RIMS2: variants seen among roughly 807,000 people sequenced by gnomAD.
RIMS2 encodes the protein regulating synaptic membrane exocytosis 2.
In RIMS2, 59 loss-of-function variants were observed where a neutral mutation model predicts 174.4. That is an observed-to-expected ratio of 0.34 (90% CI 0.27 to 0.42). The LOEUF is 0.42. Among genes scored for constraint, RIMS2 ranks in the 10% least tolerant of loss-of-function variants. The pLI is 1.00. For synonymous variants in RIMS2, 606 were observed against 572.5 expected (o/e 1.06, Z -0.84); for missense variants, 1,620 against 1,666.3 (o/e 0.97, Z 0.48).
At chr8:103,886,269 G>GTT in intron 4 of RIMS2, 46 bp downstream of exon 7, 1 of 1,459,444 alleles carries the variant, frequency 6.9e-7, no homozygotes, top group Non-Finnish European at 9.1e-7. Flanking sequence ...TTAGATAAGC[G>GTT]TTTTTTTTAA....
chr8:104,225,250 G>C lies in RIMS2; in HGVS notation c.3335-19666G>C, dbSNP rs185165936. Reference sequence around the variant, plus strand: ...AAGACTGAGGCAGGGAGAGAGTTCCGAAATTTGCCCAGGGTCACCAAGATG... The same window carrying C: ...AAGACTGAGGCAGGGAGAGAGTTCCCAAATTTGCCCAGGGTCACCAAGATG... On this transcript the variant is annotated intron_variant, in intron 19 of 23. Coordinates refer to ENST00000504942, the Ensembl canonical transcript of RIMS2. Among the ~76,000 whole-genome samples, 437 of 152,166 alleles carry C rather than the reference G, an allele frequency of 2.9e-3. 4 individuals carry two copies. Among genetic ancestry groups the C allele is most frequent in the Non-Finnish European group, 5.0e-3 (340 of 67,988 alleles).
chr8:103,905,051 A>T (rs995893349), intron 4 of RIMS2, among the ~76,000 whole-genome samples: 1 of 152,038 alleles, frequency 6.6e-6, no homozygotes, highest in Non-Finnish European at 1.5e-5. Context: ...CCCTTATCTC[A>T]TAATGGACTT....
At chr8:103,614,591 A>G (rs567390772) in intron 1 of RIMS2, among the ~76,000 whole-genome samples, 41 of 152,366 alleles carry the variant, frequency 2.7e-4, no homozygotes, top group Middle Eastern at 3.4e-3. Context: ...AACAAATGGC[A>G]TAGTCTTCTG....
intron 1 of RIMS2, among the ~76,000 whole-genome samples, chr8:103,693,061 G>C (rs1284525507): frequency 6.6e-6 from 1 of 152,168 alleles, no homozygotes; most frequent in Non-Finnish European, 1.5e-5. Flanking sequence ...GGTTCCTACT[G>C]CTGTGATGGG....
chr8:103,727,724 C>T (rs955049072), intron 2 of RIMS2, among the ~76,000 whole-genome samples: 1 of 152,106 alleles, frequency 6.6e-6, no homozygotes, highest in African/African-American at 2.4e-5. Context: ...TTCTTGGCAC[C>T]TTTGTCAAAA....
chr8:103,850,558 A>G (rs1248162955), intron 3 of RIMS2, among the ~76,000 whole-genome samples: 1 of 152,004 alleles, frequency 6.6e-6, no homozygotes, highest in Non-Finnish European at 1.5e-5. Context: ...TGAATGCCAA[A>G]GATCAAATGC....
rs571066664 is a variant in RIMS2 at position 103,854,513 on chromosome 8, T to C, written c.699-30785T>C. 1.4e-4 allele frequency among the ~76,000 whole-genome samples: 22 copies of C among 152,082 alleles called. No individual in the cohort carries two copies. The South Asian group carries it at 3.1e-3, about 22-fold the overall frequency. ...GTGGGTTTGTCATAGATGGCTCTTA[T>C]TATTTTGAGACATGTTGTTTTGTTG... On this transcript the variant is annotated intron_variant, in intron 3 of 23. Transcript: ENST00000504942.
At chr8:103,553,149 G>A (rs568693027) in intron 1 of RIMS2, among the ~76,000 whole-genome samples, 27,316 of 151,450 alleles carry the variant, frequency 0.18, 2,693 homozygotes, top group African/African-American at 0.25. Flanking sequence ...ATGCACATGT[G>A]TGTTTATTGT....
At chr8:103,855,571 A>C (rs1019897187) in intron 3 of RIMS2, among the ~76,000 whole-genome samples, 1 of 151,984 alleles carries the variant, frequency 6.6e-6, no homozygotes, top group African/African-American at 2.4e-5. Flanking sequence ...ATTTTCATGA[A>C]TTTGAAAGAA....
At chr8:103,567,435 G>A (rs2092450833) in intron 1 of RIMS2, among the ~76,000 whole-genome samples, 1 of 152,108 alleles carries the variant, frequency 6.6e-6, no homozygotes, top group Non-Finnish European at 1.5e-5. Context: ...ATTTTTGTGT[G>A]TGTCTGGCTT....
chr8:103,511,786 A>G (rs889314105), intron 1 of RIMS2, among the ~76,000 whole-genome samples: 1 of 152,242 alleles, frequency 6.6e-6, no homozygotes, highest in East Asian at 1.9e-4. Context: ...TAATTTGAAC[A>G]GGGACATTTT....
chr8:104,014,498 G>A lies in RIMS2; in HGVS notation c.3225-8G>A, dbSNP rs769358378. ...TACTGAAAATGAATATTAATGGTGT[G>A]TCTTTAGGTCTCATCCTCGTACTGG... On this transcript the variant is annotated splice_polypyrimidine_tract_variant and splice_region_variant and intron_variant, in intron 18 of 23. Coordinates refer to ENST00000504942, the Ensembl canonical transcript of RIMS2. 9.9e-6 allele frequency: 15 copies of A among 1,520,608 alleles called. No homozygotes were observed. Among genetic ancestry groups the A allele is most frequent in the East Asian group, 4.5e-5 (2 of 44,358 alleles). The allele number at this position is 1,520,608 out of a possible 1,614,324, so 94.2% of individuals were successfully genotyped here.
intron 2 of RIMS2, among the ~76,000 whole-genome samples, chr8:103,762,702 T>C (rs942437541): frequency 6.6e-6 from 1 of 152,180 alleles, no homozygotes; most frequent in Non-Finnish European, 1.5e-5. Flanking sequence ...TTGCTAATGA[T>C]GGAGATACAG....
intron 2 of RIMS2, among the ~76,000 whole-genome samples, chr8:103,760,950 T>G (rs1192408198): frequency 1.3e-5 from 2 of 152,228 alleles, no homozygotes; most frequent in African/African-American, 4.8e-5. Context: ...TGATTTCAAT[T>G]AATTTTTATG....
At chr8:103,918,418 C>CTTTT in intron 8 of RIMS2, 23 bp from the exon 12 acceptor site, 1 of 1,138,782 alleles carries the variant, frequency 8.8e-7, no homozygotes, top group Admixed American at 2.8e-5. Flanking sequence ...TTCTGTCTTT[C>CTTTT]TTTTTTTTTT....
intron 19 of RIMS2, among the ~76,000 whole-genome samples, chr8:104,168,570 T>A (rs561238201): frequency 7.9e-5 from 12 of 152,142 alleles, no homozygotes; most frequent in Non-Finnish European, 1.3e-4. Context: ...TTTGGATGAG[T>A]CTTTAGGGTT....
chr8:103,856,601 T>C (rs1210648191), intron 3 of RIMS2, among the ~76,000 whole-genome samples: 3 of 152,240 alleles, frequency 2.0e-5, no homozygotes, highest in Non-Finnish European at 4.4e-5. Context: ...GGAAAGTTGG[T>C]GGCCTTTCAT....
Position 104,201,342 on chromosome 8 carries a change from G to A in RIMS2, c.3335-43574G>A, listed in dbSNP as rs538567207. On this transcript the variant is annotated intron_variant, in intron 19 of 23. Transcript: ENST00000504942. ...CCAAGCTAATTTTGTAACAACTTAA[G>A]GTTTCTATATTTTTTCAGAACCATC... 5.9e-5 allele frequency among the ~76,000 whole-genome samples: 9 copies of A among 152,112 alleles called. No homozygotes were observed. In the East Asian group the frequency reaches 1.7e-3, roughly 29 times the overall value.
At chr8:103,530,389 CA>C (rs1343549152) in intron 1 of RIMS2, among the ~76,000 whole-genome samples, 1 of 151,934 alleles carries the variant, frequency 6.6e-6, no homozygotes, top group Non-Finnish European at 1.5e-5. Context: ...AGTAGTAAAA[CA>C]GTAGATTTGA....
Sources: gnomAD v4.1 joint callset for allele counts (sites outside exome capture counted in the v4.1 genomes callset) on GRCh38, gnomAD v4.1.1 for gene constraint, MANE v1.5 for transcripts, NCBI Gene and HGNC (gene_info 2026-07-23, HGNC 2026-07-21) for gene names.